The following MYO16 variants were observed in gnomAD, a reference collection of about 807,000 sequenced individuals.
The protein encoded by MYO16 is unconventional myosin-XVI.
A neutral mutation model predicts 205.3 loss-of-function variants in MYO16; 94 were observed. That is an observed-to-expected ratio of 0.46 (90% CI 0.39 to 0.54). MYO16 has a LOEUF of 0.54. Among genes scored for constraint, MYO16 ranks in the 20% least tolerant of loss-of-function variants. MYO16 has a pLI of 0.00. For missense variants in MYO16, 2,315 were observed against 2,387.5 expected (o/e 0.97, Z 0.63); for synonymous variants, 988 against 954.0 (o/e 1.04, Z -0.66).
intron 20 of MYO16, among the ~76,000 whole-genome samples, chr13:108,987,015 C>G (rs1325963517): frequency 6.6e-6 from 1 of 152,160 alleles, no homozygotes; most frequent in African/African-American, 2.4e-5. Flanking sequence ...TTTTTAAATG[C>G]TCCTAACAGT....
At chr13:108,669,276 A>G (rs540943584) in intron 2 of MYO16, among the ~76,000 whole-genome samples, 2 of 152,194 alleles carry the variant, frequency 1.3e-5, no homozygotes, top group East Asian at 3.9e-4. Flanking sequence ...ATTTTTATTG[A>G]TCAAGCAGGA....
chr13:109,003,272 T>G (rs1885276302), intron 21 of MYO16, among the ~76,000 whole-genome samples: 1 of 152,180 alleles, frequency 6.6e-6, no homozygotes, highest in African/African-American at 2.4e-5. Context: ...GTTTTACACA[T>G]GAAGCTGGAA....
At chr13:108,635,860 C>A (rs1350752574) in intron 1 of MYO16, among the ~76,000 whole-genome samples, 7 of 152,058 alleles carry the variant, frequency 4.6e-5, no homozygotes, top group Admixed American at 3.9e-4. Flanking sequence ...TGATTTTTTA[C>A]TAATTGTGTA....
intron 21 of MYO16, among the ~76,000 whole-genome samples, chr13:109,001,888 T>G (rs73616493): frequency 0.018 from 2,761 of 151,922 alleles, 93 homozygotes; most frequent in African/African-American, 0.063. Context: ...ATTTCAGCAA[T>G]GCTCAGTGTC....
chr13:108,799,166 T>A (rs1273910778), intron 6 of MYO16, among the ~76,000 whole-genome samples: 2 of 152,220 alleles, frequency 1.3e-5, no homozygotes, highest in Non-Finnish European at 2.9e-5. Context: ...AGAATACAAC[T>A]TCTGTGATCA....
chr13:108,689,500 T>G (rs951465180), intron 2 of MYO16, among the ~76,000 whole-genome samples: 1 of 152,152 alleles, frequency 6.6e-6, no homozygotes, highest in Non-Finnish European at 1.5e-5. Flanking sequence ...TCATTTTACT[T>G]GAGTGACCCA....
rs1476134610 is a variant in MYO16, at chr13:109,066,036, G to A, written c.3335+10441G>A. On this transcript the variant is annotated intron_variant, in intron 27 of 34. Coordinates refer to ENST00000457511, the MANE Select transcript of MYO16 (RefSeq NM_001198950.3). ...ATGAAATCCCTCTCAGAAATAGCCC[G>A]AACCATTTAGCTTGCCTAAATGACA... Among the ~76,000 whole-genome samples, 11 of 152,120 alleles carry A rather than the reference G, an allele frequency of 7.2e-5. No individual in the cohort carries two copies. In the East Asian group the frequency reaches 1.5e-3, roughly 21 times the overall value.
At chr13:108,830,066 T>C (rs1876517977) in intron 9 of MYO16, among the ~76,000 whole-genome samples, 1 of 136,274 alleles carries the variant, frequency 7.3e-6, no homozygotes, top group Non-Finnish European at 1.6e-5. Flanking sequence ...TGAGATACCA[T>C]CTCACACCAG....
At position 109,141,459 on chromosome 13, in the gene MYO16, TGTGAAATA is replaced by T. The variant is rs1011489885; in HGVS notation, c.5164+86_5164+93del. On this transcript the variant is annotated intron_variant, in intron 32 of 34. Coordinates refer to ENST00000457511, the MANE Select transcript of MYO16 (RefSeq NM_001198950.3). The surrounding 1 kb of genome is among the most constrained non-coding windows in gnomAD (Gnocchi z 4.1). Reference sequence around the variant, plus strand: ...CTGTGTACATCCGTGTCTGCGCAGATGTGAAATAGTAAAGTTTCAGGTGATGGCCGTGG... The same window carrying T: ...CTGTGTACATCCGTGTCTGCGCAGATGTAAAGTTTCAGGTGATGGCCGTGG... 4.1e-6 allele frequency: 4 copies of T among 974,246 alleles called. No individual in the cohort carries two copies. Among genetic ancestry groups the T allele is most frequent in the Non-Finnish European group, 5.6e-6 (4 of 712,268 alleles). The allele number at this position is 974,246 out of a possible 1,614,324, so 60.4% of individuals were successfully genotyped here. A position where few individuals can be genotyped will look rare whatever the true frequency, so the allele number is the denominator to read the frequency against.
intron 5 of MYO16, among the ~76,000 whole-genome samples, chr13:108,789,690 A>G (rs1432634475): frequency 6.6e-6 from 1 of 152,150 alleles, no homozygotes. Flanking sequence ...ACTTCTGTGC[A>G]TCTCTTAGAA....
At chr13:108,723,550 A>G (rs776501875) in intron 3 of MYO16, among the ~76,000 whole-genome samples, 7 of 152,138 alleles carry the variant, frequency 4.6e-5, no homozygotes, top group Non-Finnish European at 1.0e-4. Flanking sequence ...TGTGTACCCA[A>G]TTGTTTCAGT....
At chr13:108,779,405 C>G (rs1309191583) in intron 4 of MYO16, 2 of 152,178 alleles carry the variant, frequency 1.3e-5, no homozygotes, top group Non-Finnish European at 2.9e-5. Context: ...GCAGGAATAG[C>G]AGATTCAGGG....
chr13:108,717,348 G>A (rs933424169), intron 3 of MYO16, among the ~76,000 whole-genome samples: 2 of 123,872 alleles, frequency 1.6e-5, no homozygotes, highest in Non-Finnish European at 3.3e-5. Context: ...ATATTCAGCT[G>A]GCCAGGCATG....
chr13:108,996,002 A>G (rs1199449777), intron 21 of MYO16, among the ~76,000 whole-genome samples: 2 of 152,216 alleles, frequency 1.3e-5, no homozygotes, highest in Admixed American at 6.5e-5. Flanking sequence ...AACTAGTTCA[A>G]CCATTGTGGA....
chr13:108,805,837 T>C (rs1238085018), intron 6 of MYO16, among the ~76,000 whole-genome samples: 1 of 151,838 alleles, frequency 6.6e-6, no homozygotes, highest in Non-Finnish European at 1.5e-5. Flanking sequence ...CCCAGCACTT[T>C]GGGAAGCCAA....
chr13:108,973,610 A>G (rs1884136719), intron 20 of MYO16, among the ~76,000 whole-genome samples: 2 of 152,204 alleles, frequency 1.3e-5, no homozygotes, highest in South Asian at 4.1e-4. Flanking sequence ...GGCAATATTG[A>G]CAGTGAATCA....
intron 2 of MYO16, among the ~76,000 whole-genome samples, chr13:108,674,157 C>T (rs1278217476): frequency 6.6e-6 from 1 of 152,152 alleles, no homozygotes; most frequent in Non-Finnish European, 1.5e-5. Context: ...CCCCTATGTA[C>T]CCCATTCCCA....
chr13:108,972,982 T>C (rs1044757552), intron 20 of MYO16, among the ~76,000 whole-genome samples: 8 of 151,744 alleles, frequency 5.3e-5, no homozygotes, highest in Non-Finnish European at 1.0e-4. Flanking sequence ...GGGGAAGATA[T>C]TGGGAACAGC....
intron 20 of MYO16, among the ~76,000 whole-genome samples, chr13:108,976,468 T>C (rs1234089440): frequency 2.6e-5 from 4 of 152,182 alleles, no homozygotes; most frequent in African/African-American, 9.6e-5. Flanking sequence ...ACTTTCCTTG[T>C]ATCAGTTATT....
Sources: allele counts gnomAD v4.1 joint callset (sites outside exome capture counted in the v4.1 genomes callset), GRCh38; gene constraint gnomAD v4.1.1; non-coding constraint Gnocchi (gnomAD v3.1); transcripts MANE v1.5; gene names NCBI Gene and HGNC (gene_info 2026-07-23, HGNC 2026-07-21).